The following CACNA1G variants were observed in gnomAD, a reference collection of about 807,000 sequenced individuals.
The protein encoded by CACNA1G is calcium voltage-gated channel subunit alpha1 G, also known as voltage-dependent T-type calcium channel subunit alpha-1G.
In CACNA1G, 67 loss-of-function variants were observed where a neutral mutation model predicts 219.4. The ratio of observed to expected loss-of-function variants is 0.31; its 90% CI spans 0.25 to 0.37. The LOEUF (loss-of-function observed/expected upper bound fraction) is 0.37, where lower values mean the gene tolerates loss of function less well. Ranked by LOEUF, CACNA1G falls within the 10% of genes least tolerant of loss-of-function variation. CACNA1G has a pLI of 1.00. For missense variants in CACNA1G, 2,380 were observed against 3,231.4 expected, an observed-to-expected ratio of 0.74 and a Z score of 6.39; for synonymous variants, 1,296 against 1,345.3, an observed-to-expected ratio of 0.96 and a Z score of 0.80.
Position 50,624,500 on chromosome 17 carries a change from C to T in CACNA1G, c.6370C>T (p.Pro2124Ser), listed in dbSNP as rs1192280089. The change falls in exon 37 of 38, where the codon CCT becomes TCT. Residue 2124 changes from proline to serine, a missense_variant. Physicochemically the swap from Pro to Ser is moderately conservative, Grantham distance 74. Coordinates refer to ENST00000359106, the MANE Select transcript of CACNA1G (RefSeq NM_018896.5). ...CAAACTGCCCCCACCAGGACGCTCC[C>T]CTTTGGCTCAGAGGCCACTCAGGCG... ...IPKLPPPGRSPLAQRPLRRQA... is the reference protein window; with the variant it reads ...IPKLPPPGRSSLAQRPLRRQA... 6.3e-7 allele frequency: 1 copy of T among 1,598,654 alleles called. No homozygotes were observed. The highest frequency in any genetic ancestry group is 8.5e-7 in the Non-Finnish European group (1 of 1,173,022).
In CACNA1G at chr17:50,617,939, A is replaced by T; in HGVS notation, c.5226+10A>T. The T allele has an allele frequency of 6.2e-7, 1 of 1,612,904 alleles. No homozygotes were observed. The highest frequency in any genetic ancestry group is 8.5e-7 in the Non-Finnish European group (1 of 1,179,408). ...GCAGGCCCTGCCCCAGGTAGCCGGG[A>T]GGTGGGGGGCCTCTGGGGAGGGGGA... On this transcript the variant is annotated intron_variant, in intron 30 of 37. Transcript: ENST00000359106. The surrounding 1 kb of genome is among the most constrained non-coding windows in gnomAD (Gnocchi z 5.8).
At chr17:50,568,141 C>T (rs1392259735) in intron 1 of CACNA1G, among the ~76,000 whole-genome samples, 2 of 152,122 alleles carry the variant, frequency 1.3e-5, no homozygotes, top group East Asian at 3.9e-4. Context: ...GGTGCTGTAG[C>T]AGCGGGGACT....
In CACNA1G at chr17:50,599,560, C is replaced by T. The variant is rs1473744439; in HGVS notation, c.3391C>T (p.Leu1131=). 4 of 1,612,904 alleles carry T rather than the reference C, an allele frequency of 2.5e-6. No individual in the cohort carries two copies. Among genetic ancestry groups the T allele is most frequent in the East Asian group, 2.2e-5 (1 of 44,850 alleles). The change falls in exon 17 of 38, where the codon CTG becomes TTG. Residue 1131 remains leucine (L), a synonymous_variant. Transcript: ENST00000359106. ...AAGCCCAAGTGGAGAGCGGCGGTCCCTGTTGTCGGGAGAAGGCCAGGAGAG... is the reference window on the plus strand; with the variant it reads ...AAGCCCAAGTGGAGAGCGGCGGTCCTTGTTGTCGGGAGAAGGCCAGGAGAG... ...RRSPSGERRS[L]LSGEGQESQD...
chr17:50,619,662 C>G (rs765414481), intron 33 of CACNA1G, 21 bp from the exon 34 acceptor site: 23 of 1,604,030 alleles, frequency 1.4e-5, no homozygotes, highest in Non-Finnish European at 1.9e-5. Flanking sequence ...CTCCGGCTCC[C>G]CTTACGGGCT....
chr17:50,587,678 C>T (rs1206971407), intron 9 of CACNA1G, among the ~76,000 whole-genome samples: 1 of 152,258 alleles, frequency 6.6e-6, no homozygotes, highest in Admixed American at 6.5e-5. Context: ...GGGAGTGCGC[C>T]AGGCCCCTTT....
At chr17:50,624,298 C>A in intron 36 of CACNA1G, 62 bp from the exon 37 acceptor site, 1 of 1,423,930 alleles carries the variant, frequency 7.0e-7, no homozygotes, top group Non-Finnish European at 9.7e-7. Flanking sequence ...AGAACCTGCT[C>A]CCCTGAACCC....
At chr17:50,593,232 C>G (rs142794800) in intron 13 of CACNA1G, among the ~76,000 whole-genome samples, 1 of 152,126 alleles carries the variant, frequency 6.6e-6, no homozygotes, top group Non-Finnish European at 1.5e-5. Flanking sequence ...TAAGGGGCAC[C>G]ACAGTACTCC....
At position 50,599,882 on chromosome 17, in the gene CACNA1G, G is replaced by A. The variant is rs765273380; in HGVS notation, c.3690+23G>A. The A allele has an allele frequency of 1.9e-6, 3 of 1,596,368 alleles. No homozygotes were observed. In the South Asian group the frequency reaches 3.3e-5, roughly 18 times the overall value. ...CTGGTGAGGCCCCTGTGGGCACAGT[G>A]ACCCCTCACCCCTGACCTTGAAAGA... On this transcript the variant is annotated intron_variant, in intron 17 of 37. Coordinates refer to ENST00000359106, the MANE Select transcript of CACNA1G (RefSeq NM_018896.5).
chr17:50,572,053 G>A lies in CACNA1G; in HGVS notation c.746+16G>A, dbSNP rs745716699. Reference sequence around the variant, plus strand: ...ATTTCAGCCTGTGAGTGGTGGACAGGGTCCAGGGAGGACCTGGGAGTGGTT... The same window carrying A: ...ATTTCAGCCTGTGAGTGGTGGACAGAGTCCAGGGAGGACCTGGGAGTGGTT... On this transcript the variant is annotated intron_variant, in intron 5 of 37. Coordinates refer to ENST00000359106, the MANE Select transcript of CACNA1G (RefSeq NM_018896.5). 7 of 1,609,710 alleles carry A rather than the reference G, an allele frequency of 4.3e-6. No homozygotes were observed. The Admixed American group carries it at 1.2e-4, about 27-fold the overall frequency.
At position 50,621,645 on chromosome 17, in the gene CACNA1G, T is replaced by C. The variant is rs2146371942; in HGVS notation, c.5926-15T>C. 1 of 1,613,014 alleles carries C rather than the reference T, an allele frequency of 6.2e-7. No homozygotes were observed. Among genetic ancestry groups the C allele is most frequent in the African/African-American group, 1.3e-5 (1 of 75,018 alleles). On this transcript the variant is annotated splice_polypyrimidine_tract_variant and intron_variant, in intron 34 of 37. Coordinates refer to ENST00000359106, the MANE Select transcript of CACNA1G (RefSeq NM_018896.5). The surrounding 1 kb of genome is among the most constrained non-coding windows in gnomAD (Gnocchi z 4.6). ...TCCTGGTTTCTCATGCCTGATCATC[T>C]CTCTCCCTGTCTAGATCCCTCTAGC...
At chr17:50,583,274 A>C (rs1181413748) in intron 9 of CACNA1G, among the ~76,000 whole-genome samples, 8 of 152,106 alleles carry the variant, frequency 5.3e-5, no homozygotes, top group Non-Finnish European at 1.2e-4. Flanking sequence ...GGCCCCAGAC[A>C]TTCAAAGGCT....
intron 16 of CACNA1G, among the ~76,000 whole-genome samples, chr17:50,597,788 G>A (rs975462315): frequency 6.6e-5 from 10 of 152,080 alleles, no homozygotes; most frequent in Non-Finnish European, 1.2e-4. Flanking sequence ...TTCCCCATTG[G>A]TCCCATCCTT....
At chr17:50,595,364 G>C (rs1291603287) in intron 14 of CACNA1G, among the ~76,000 whole-genome samples, 1 of 152,234 alleles carries the variant, frequency 6.6e-6, no homozygotes, top group African/African-American at 2.4e-5. Flanking sequence ...GTGCACGTGT[G>C]TGGGGCACCC....
At chr17:50,608,956 T>C (rs2145998884) in intron 25 of CACNA1G, among the ~76,000 whole-genome samples, 1 of 152,304 alleles carries the variant, frequency 6.6e-6, no homozygotes, top group South Asian at 2.1e-4. Flanking sequence ...TCTTTGTGTG[T>C]GGGTTTATCT....
In CACNA1G at chr17:50,618,172, G is replaced by A. The variant is rs1037565339; in HGVS notation, c.5305+46G>A. The stretch of plus-strand genomic sequence containing the variant: ...GTGGAGGAGCCAGGGCTGGAGACCA[G>A]GGGGCTCCTGGACTAACATGGGCCT... On this transcript the variant is annotated intron_variant, in intron 31 of 37. Coordinates refer to ENST00000359106, the MANE Select transcript of CACNA1G (RefSeq NM_018896.5). The surrounding 1 kb of genome is among the most constrained non-coding windows in gnomAD (Gnocchi z 5.3). 1.2e-6 allele frequency: 2 copies of A among 1,612,694 alleles called. No homozygotes were observed. The highest frequency in any genetic ancestry group is 2.7e-5 in the African/African-American group (2 of 75,004).
Position 50,596,738 on chromosome 17 carries a change from C to G in CACNA1G, c.3073C>G (p.Leu1025Val). Residue 1025 changes from leucine (L) to valine (V), a missense_variant, in exon 16 of 38, where the codon CTG (leucine) becomes GTG (valine). Transcript: ENST00000359106. The surrounding 1 kb of genome is among the most constrained non-coding windows in gnomAD (Gnocchi z 4.8). ...DRKKCLALVS[L>V]GEHPELRKSL... ...CCTCTCTCCCCGTGCAGTGGTGTCCCTGGGAGAGCACCCGGAGCTGCGGAA... is the reference window on the plus strand; with the variant it reads ...CCTCTCTCCCCGTGCAGTGGTGTCCGTGGGAGAGCACCCGGAGCTGCGGAA... The G allele has an allele frequency of 6.2e-7, 1 of 1,613,600 alleles. No homozygotes were observed. Among genetic ancestry groups the G allele is most frequent in the Admixed American group, 1.7e-5 (1 of 59,996 alleles).
chr17:50,591,589 A>G lies in CACNA1G; in HGVS notation c.2608A>G (p.Met870Val). The change falls in exon 11 of 38, where the codon ATG becomes GTG. Residue 870 changes from methionine (M) to valine (V), a missense_variant. Physicochemically the swap from Met to Val is conservative, Grantham distance 21. This residue lies in a region of CACNA1G where 43 missense variants were observed against 139.4 expected (regional missense o/e 0.31). Transcript: ENST00000359106. The stretch of plus-strand genomic sequence containing the variant: ...CATGGACAACGTGGCCACCTTCTGC[A>G]TGCTGCTTATGCTCTTCATCTTCAT... ...KTMDNVATFC[M>V]LLMLFIFIFS... 3 of 1,613,290 alleles carry G rather than the reference A, an allele frequency of 1.9e-6. No homozygotes were observed. Among genetic ancestry groups the G allele is most frequent in the African/African-American group, 2.7e-5 (2 of 75,028 alleles).
At chr17:50,602,430 G>C (rs138397832) in intron 19 of CACNA1G, among the ~76,000 whole-genome samples, 242 of 152,360 alleles carry the variant, frequency 1.6e-3, no homozygotes, top group Admixed American at 3.3e-3. Context: ...GAAAGCAAGT[G>C]AAGAGGGTGG....
At chr17:50,584,595 C>A (rs1052311342) in intron 9 of CACNA1G, among the ~76,000 whole-genome samples, 1 of 6,418 alleles carries the variant, frequency 1.6e-4, no homozygotes, top group Non-Finnish European at 3.0e-4. Flanking sequence ...CCAGGGGAGC[C>A]GGGGGCGGGG....
Sources: gnomAD v4.1 joint callset for allele counts (sites outside exome capture counted in the v4.1 genomes callset) on GRCh38, gnomAD v4.1.1 for gene constraint, gnomAD v4.1.1 regional missense constraint, Gnocchi (gnomAD v3.1) non-coding constraint, MANE v1.5 for transcripts, NCBI Gene and HGNC (gene_info 2026-07-23, HGNC 2026-07-21) for gene names.